The following NTN5 variants were observed in gnomAD, a reference collection of about 807,000 sequenced individuals.
NTN5 encodes the protein netrin 5, also known as netrin-5.
NTN5 carries 42 observed loss-of-function variants against 38.7 expected under a neutral mutation model. The observed-to-expected ratio is 1.08, with a 90% CI of 0.85 to 1.40. NTN5 has a LOEUF of 1.40. Among genes scored for constraint, NTN5 ranks in the 40% most tolerant of loss-of-function variants. NTN5 has a pLI of 0.00. For missense variants in NTN5, 658 were observed against 716.5 expected (o/e 0.92, Z 0.93); for synonymous variants, 329 against 303.9 (o/e 1.08, Z -0.86).
intron 2 of NTN5, among the ~76,000 whole-genome samples, chr19:48,669,790 C>T (rs1292449491): frequency 8.7e-6 from 1 of 114,336 alleles, no homozygotes; most frequent in Non-Finnish European, 1.9e-5. Context: ...ACACCACCAC[C>T]ATCACCATCA....
In NTN5 at chr19:48,662,035, C is replaced by A; in HGVS notation, c.1112G>T (p.Arg371Leu). 2 of 1,478,850 alleles carry A rather than the reference C, an allele frequency of 1.4e-6. No individual in the cohort carries two copies. The highest frequency in any genetic ancestry group is 2.4e-5 in the Admixed American group (1 of 41,696). 91.6% of individuals were successfully genotyped at this position (1,478,850 alleles called of 1,614,324 possible). A position where few individuals can be genotyped will look rare whatever the true frequency, so the allele number is the denominator to read the frequency against. The change falls in exon 7 of 7, where the codon CGC (arginine) becomes CTC (leucine). Residue 371 changes from arginine to leucine, a missense_variant. Arg to Leu is a moderately radical substitution (Grantham distance 102). Transcript: ENST00000270235. The part of the protein sequence containing the change: ...RRYCQQDHVL[R>L]AQVLASEAAG... ...CGCCTCGGACGCTAGCACCTGCGCGCGGAGAACTGTGGGGAGGGGAGATGT... is the reference window on the plus strand; with the variant it reads ...CGCCTCGGACGCTAGCACCTGCGCGAGGAGAACTGTGGGGAGGGGAGATGT...
intron 1 of NTN5, among the ~76,000 whole-genome samples, chr19:48,671,270 A>G (rs1054789301): frequency 1.3e-5 from 2 of 151,986 alleles, no homozygotes; most frequent in Non-Finnish European, 2.9e-5. Context: ...GTCGAGGGGC[A>G]GGGGGCCCTG....
chr19:48,669,715 T>TCAC (rs1160000937), intron 2 of NTN5, among the ~76,000 whole-genome samples: 2 of 40,218 alleles, frequency 5.0e-5, no homozygotes, highest in African/African-American at 2.0e-4. Context: ...ATCACCACCA[T>TCAC]CACCACCACC....
chr19:48,669,934 T>TCACCACCACC (rs1185577279), intron 2 of NTN5, among the ~76,000 whole-genome samples: 1 of 9,294 alleles, frequency 1.1e-4, no homozygotes, highest in Non-Finnish European at 2.4e-4. Context: ...TCATCACCAC[T>TCACCACCACC]ACCATCACCA....
intron 6 of NTN5, chr19:48,662,359 T>G: frequency 1.8e-5 from 4 of 226,088 alleles, no homozygotes; most frequent in African/African-American, 2.3e-5. Context: ...GAAGGAGGGG[T>G]CACATTGCCG....
intron 6 of NTN5, 57 bp downstream of exon 6, chr19:48,663,406 A>G (rs2031600686): frequency 2.0e-6 from 3 of 1,474,014 alleles, no homozygotes; most frequent in South Asian, 2.3e-5. Flanking sequence ...GGTGGCTTAG[A>G]AGCAGTCATC....
Position 48,661,659 on chromosome 19 carries a change from G to A in NTN5, c.*18C>T, listed in dbSNP as rs759748406. 6.6e-7 allele frequency: 1 copy of A among 1,523,634 alleles called. No individual in the cohort carries two copies. Among genetic ancestry groups the A allele is most frequent in the Non-Finnish European group, 8.7e-7 (1 of 1,146,916 alleles). 94.4% of individuals were successfully genotyped at this position (1,523,634 alleles called of 1,614,324 possible). A position where few individuals can be genotyped will look rare whatever the true frequency, so the allele number is the denominator to read the frequency against. ...CCCAAATTACTTTGTTGGTGCTCGAGGCAGCCCCATCTCACGTCTAGTGCT... is the reference window on the plus strand; with the variant it reads ...CCCAAATTACTTTGTTGGTGCTCGAAGCAGCCCCATCTCACGTCTAGTGCT... On this transcript the variant is annotated 3_prime_UTR_variant, in exon 7 of 7. Transcript: ENST00000270235.
rs2031641463 is a variant in NTN5 at position 48,664,523 on chromosome 19, C to T, written c.820+56G>A. The T allele has an allele frequency of 6.7e-6, 10 of 1,496,088 alleles. No homozygotes were observed. In the Admixed American group the frequency reaches 6.9e-5, roughly 10 times the overall value. 92.7% of individuals were successfully genotyped at this position (1,496,088 alleles called of 1,614,324 possible). A position where few individuals can be genotyped will look rare whatever the true frequency, so the allele number is the denominator to read the frequency against. On this transcript the variant is annotated intron_variant, in intron 3 of 6. Transcript: ENST00000270235. Reference sequence around the variant, plus strand: ...GCCCCCAGCCCCTCCTCCCTCAGCCCCAGGAGTCCAGCCCTACCTCTGCTC... The same window carrying T: ...GCCCCCAGCCCCTCCTCCCTCAGCCTCAGGAGTCCAGCCCTACCTCTGCTC...
In NTN5 at chr19:48,664,125, T is replaced by C. The variant is rs755447189; in HGVS notation, c.970+18A>G. On this transcript the variant is annotated intron_variant, in intron 4 of 6. Transcript: ENST00000270235. ...TCCCGCTCTACTCAGGCTTGTGGCC[T>C]GGCCCCTCAAGACTTACGCTGGCAG... The C allele has an allele frequency of 1.3e-6, 2 of 1,595,158 alleles. No individual in the cohort carries two copies. Among genetic ancestry groups the C allele is most frequent in the Non-Finnish European group, 8.5e-7 (1 of 1,171,362 alleles).
intron 2 of NTN5, among the ~76,000 whole-genome samples, chr19:48,669,917 AT>A: frequency 8.4e-6 from 1 of 119,760 alleles, no homozygotes; most frequent in East Asian, 2.6e-4. Flanking sequence ...CACCACCACC[AT>A]CACCATCATC....
intron 2 of NTN5, chr19:48,667,498 A>G: frequency 4.4e-6 from 1 of 227,414 alleles, no homozygotes; most frequent in Non-Finnish European, 9.5e-6. Flanking sequence ...GCTTAGGTAA[A>G]AGATTTGGCC....
At chr19:48,670,328 C>A in intron 2 of NTN5, 28 bp downstream of exon 2, 1 of 1,388,348 alleles carries the variant, frequency 7.2e-7, no homozygotes, top group East Asian at 2.9e-5. Flanking sequence ...CAGGCAAAGG[C>A]AGGGAGAGTG....
chr19:48,664,104 G>A lies in NTN5; in HGVS notation c.970+39C>T, dbSNP rs73581795. The A allele has an allele frequency of 0.066, 103,475 of 1,569,718 alleles. 3,718 individuals are homozygous for A. The highest frequency in any genetic ancestry group is 0.1 in the Middle Eastern group (525 of 5,260). On this transcript the variant is annotated intron_variant, in intron 4 of 6. Coordinates refer to ENST00000270235, the MANE Select transcript of NTN5 (RefSeq NM_145807.4). Reference sequence around the variant, plus strand: ...TGGAGACCTGGGATGTCTCCTTCCCGCTCTACTCAGGCTTGTGGCCTGGCC... The same window carrying A: ...TGGAGACCTGGGATGTCTCCTTCCCACTCTACTCAGGCTTGTGGCCTGGCC...
At chr19:48,669,807 TCATCACCATCACCACCACCAC>T (rs2031879768) in intron 2 of NTN5, among the ~76,000 whole-genome samples, 2 of 41,266 alleles carry the variant, frequency 4.8e-5, no homozygotes, top group Non-Finnish European at 1.1e-4. Flanking sequence ...ATCACCACCA[TCATCACCATCACCACCACCAC>T]CATCACCATC....
chr19:48,663,042 G>GTCGCCGTATC, intron 6 of NTN5: 5 of 373,450 alleles, frequency 1.3e-5, no homozygotes, highest in East Asian at 7.2e-5. Flanking sequence ...GTGGACTGGG[G>GTCGCCGTATC]ATTAGGGAAC....
At chr19:48,669,724 C>CCACCACCATCACCATCAT (rs2031868132) in intron 2 of NTN5, among the ~76,000 whole-genome samples, 2 of 132,158 alleles carry the variant, frequency 1.5e-5, no homozygotes, top group Non-Finnish European at 3.2e-5. Flanking sequence ...ATCACCACCA[C>CCACCACCATCACCATCAT]CACCACCATC....
At chr19:48,668,210 G>GTT (rs1464311769) in intron 2 of NTN5, among the ~76,000 whole-genome samples, 2 of 152,270 alleles carry the variant, frequency 1.3e-5, no homozygotes, top group East Asian at 3.9e-4. Context: ...GGCTCCCTGG[G>GTT]TTAAATCCCT....
Position 48,670,449 on chromosome 19 carries a change from G to C in NTN5, c.538C>G (p.His180Asp). Residue 180 changes from histidine (H) to aspartate (D), a missense_variant, in exon 2 of 7, where the codon CAT becomes GAT. Transcript: ENST00000270235. ...ARPPRCHCRH[H>D]TTGPGCESCR... ...CTCTCGCACCCCGGGCCAGTGGTATGGTGGCGGCAGTGGCAGCGGGGGGGC... is the reference window on the plus strand; with the variant it reads ...CTCTCGCACCCCGGGCCAGTGGTATCGTGGCGGCAGTGGCAGCGGGGGGGC... The C allele has an allele frequency of 6.8e-7, 1 of 1,476,182 alleles. No homozygotes were observed. The highest frequency in any genetic ancestry group is 9.0e-7 in the Non-Finnish European group (1 of 1,114,024). The allele number at this position is 1,476,182 out of a possible 1,614,324, so 91.4% of individuals were successfully genotyped here.
At chr19:48,666,291 G>T (rs2031701983) in intron 2 of NTN5, among the ~76,000 whole-genome samples, 1 of 152,196 alleles carries the variant, frequency 6.6e-6, no homozygotes, top group African/African-American at 2.4e-5. Flanking sequence ...ATTATCCTGG[G>T]AGCGTTTGTC....
Sources: gnomAD v4.1 joint callset for allele counts (sites outside exome capture counted in the v4.1 genomes callset) on GRCh38, gnomAD v4.1.1 for gene constraint, MANE v1.5 for transcripts, NCBI Gene and HGNC (gene_info 2026-07-23, HGNC 2026-07-21) for gene names.